Variants in OPALIN observed in about 807,000 individuals in gnomAD.
OPALIN encodes transmembrane protein 10.
In OPALIN, 15 loss-of-function variants were observed where a neutral mutation model predicts 17.8. The ratio of observed to expected loss-of-function variants is 0.84; its 90% CI spans 0.56 to 1.29. The LOEUF is 1.29. Ranked by LOEUF, OPALIN falls within the 50% of genes most tolerant of loss-of-function variation. OPALIN has a pLI of 0.00. For missense variants in OPALIN, 170 were observed against 176.0 expected (o/e 0.97, Z 0.19); for synonymous variants, 62 against 63.8 (o/e 0.97, Z 0.14).
At chr10:96,354,720 T>C (rs929287367) in intron 2 of OPALIN, among the ~76,000 whole-genome samples, 3 of 150,594 alleles carry the variant, frequency 2.0e-5, no homozygotes, top group African/African-American at 7.5e-5. Flanking sequence ...CTATTTTCCT[T>C]TTCAAAATGT....
intron 2 of OPALIN, among the ~76,000 whole-genome samples, chr10:96,354,493 C>T (rs966265146): frequency 2.0e-5 from 3 of 151,950 alleles, no homozygotes; most frequent in Admixed American, 6.6e-5. Flanking sequence ...ATTATGCGAT[C>T]ATAATATGAT....
At chr10:96,352,167 C>A (rs960722315) in intron 2 of OPALIN, among the ~76,000 whole-genome samples, 3 of 152,078 alleles carry the variant, frequency 2.0e-5, no homozygotes, top group African/African-American at 7.2e-5. Flanking sequence ...GTAGTAGCTG[C>A]CTCTAGGGTT....
intron 2 of OPALIN, among the ~76,000 whole-genome samples, chr10:96,351,666 C>T (rs926336650): frequency 3.3e-5 from 5 of 152,188 alleles, no homozygotes; most frequent in African/African-American, 1.2e-4. Context: ...TGTACCGTGA[C>T]ACATTTTACA....
rs1467604287 is a variant in OPALIN at position 96,345,930 on chromosome 10, A to G, written c.*11T>C. ...CCAGTGCCAGGTCTGCTGCTCCTTG[A>G]CTGAGCTGCATCATTCCAGGCTCAG... On this transcript the variant is annotated 3_prime_UTR_variant, in exon 6 of 6. Transcript: ENST00000371172. The G allele has an allele frequency of 6.2e-7, 1 of 1,613,340 alleles. No homozygotes were observed. The highest frequency in any genetic ancestry group is 8.5e-7 in the Non-Finnish European group (1 of 1,179,556).
intron 2 of OPALIN, among the ~76,000 whole-genome samples, chr10:96,353,644 C>T (rs1413337186): frequency 6.6e-6 from 1 of 152,178 alleles, no homozygotes; most frequent in Non-Finnish European, 1.5e-5. Context: ...CCCCATTCAC[C>T]CCCACTCCCC....
At chr10:96,351,079 A>C (rs570844414) in intron 3 of OPALIN, among the ~76,000 whole-genome samples, 13 of 152,304 alleles carry the variant, frequency 8.5e-5, no homozygotes, top group African/African-American at 3.1e-4. Flanking sequence ...GTGCGTGACC[A>C]CTATTCTGAA....
intron 3 of OPALIN, among the ~76,000 whole-genome samples, 164 bp downstream of exon 3, chr10:96,351,214 T>C (rs1845565143): frequency 6.6e-6 from 1 of 152,240 alleles, no homozygotes; most frequent in Non-Finnish European, 1.5e-5. Context: ...TGATTTTGCA[T>C]GTTCTCCCTC....
chr10:96,352,832 G>A (rs974165460), intron 2 of OPALIN, among the ~76,000 whole-genome samples: 5 of 152,072 alleles, frequency 3.3e-5, no homozygotes, highest in Non-Finnish European at 5.9e-5. Flanking sequence ...TTTCTCCTTC[G>A]CTCCAGAGCA....
intron 3 of OPALIN, 58 bp downstream of exon 3, chr10:96,351,320 C>A: frequency 9.6e-7 from 1 of 1,036,818 alleles, no homozygotes; most frequent in South Asian, 1.4e-5. Flanking sequence ...AACAAATGCT[C>A]AAGATGGATG....
intron 2 of OPALIN, among the ~76,000 whole-genome samples, chr10:96,352,213 T>G (rs1013283663): frequency 1.3e-5 from 2 of 152,182 alleles, no homozygotes; most frequent in African/African-American, 4.8e-5. Context: ...AACTATGAAC[T>G]CTTGTCAGCC....
At chr10:96,347,254 C>G (rs942375121) in intron 5 of OPALIN, among the ~76,000 whole-genome samples, 1 of 152,008 alleles carries the variant, frequency 6.6e-6, no homozygotes, top group Non-Finnish European at 1.5e-5. Flanking sequence ...GCCACCACAC[C>G]TGGCTAACTT....
chr10:96,349,261 G>A (rs984662527), intron 4 of OPALIN, among the ~76,000 whole-genome samples: 7 of 152,156 alleles, frequency 4.6e-5, no homozygotes, highest in African/African-American at 7.2e-5. Flanking sequence ...ATTGGATGGG[G>A]AGGATATAGA....
Position 96,345,763 on chromosome 10 carries a change from A to T in OPALIN, c.*178T>A. ...CTAAAGCACAAGATCTGAGAGTTGGAATTAACCATGTTGGGGATGTCCCCT... is the reference window on the plus strand; with the variant it reads ...CTAAAGCACAAGATCTGAGAGTTGGTATTAACCATGTTGGGGATGTCCCCT... On this transcript the variant is annotated 3_prime_UTR_variant, in exon 6 of 6. Coordinates refer to ENST00000371172, the MANE Select transcript of OPALIN (RefSeq NM_033207.5). The T allele has an allele frequency of 3.4e-6, 2 of 582,090 alleles. No homozygotes were observed. Among genetic ancestry groups the T allele is most frequent in the Non-Finnish European group, 6.0e-6 (2 of 333,094 alleles). 36.1% of individuals were successfully genotyped at this position (582,090 alleles called of 1,614,324 possible). A position where few individuals can be genotyped will look rare whatever the true frequency, so the allele number is the denominator to read the frequency against.
At chr10:96,347,220 A>G (rs1224091074) in intron 5 of OPALIN, among the ~76,000 whole-genome samples, 1 of 151,172 alleles carries the variant, frequency 6.6e-6, no homozygotes, top group African/African-American at 2.4e-5. Flanking sequence ...GCCCCCCACG[A>G]AGTAGCTGGG....
rs773886290 is a variant in OPALIN at position 96,348,269 on chromosome 10, G to A, written c.249+20C>T. 66 of 1,334,892 alleles carry A rather than the reference G, an allele frequency of 4.9e-5. No individual in the cohort carries two copies. The highest frequency in any genetic ancestry group is 8.6e-5 in the Admixed American group (5 of 58,296). 82.7% of individuals were successfully genotyped at this position (1,334,892 alleles called of 1,614,324 possible). A position where few individuals can be genotyped will look rare whatever the true frequency, so the allele number is the denominator to read the frequency against. On this transcript the variant is annotated intron_variant, in intron 5 of 5. Transcript: ENST00000371172. ...TTACTGTGTGAATGGTATATAGAGA[G>A]TATAACCAAGAGTTCTTACCTCAGA...
In OPALIN at chr10:96,358,917, C is replaced by A; in HGVS notation, c.-21G>T. ...ACCATTTCTGACAGTCTCCCAGGAA[C>A]CTTCTTCGTACACTGCCTTTGGTAA... On this transcript the variant is annotated 5_prime_UTR_variant, in exon 1 of 6. Transcript: ENST00000371172. 2 of 1,613,886 alleles carry A rather than the reference C, an allele frequency of 1.2e-6. No individual in the cohort carries two copies. The highest frequency in any genetic ancestry group is 1.7e-5 in the Admixed American group (1 of 60,024).
intron 2 of OPALIN, 60 bp from the exon 3 acceptor site, chr10:96,351,470 A>G (rs1564884217): frequency 9.3e-7 from 1 of 1,069,928 alleles, no homozygotes; most frequent in Non-Finnish European, 1.3e-6. Flanking sequence ...TATACATTAT[A>G]CAAGACAATC....
chr10:96,358,186 TAAAAAAAAAAAAAAA>T (rs61616596), intron 1 of OPALIN, among the ~76,000 whole-genome samples: 2 of 61,586 alleles, frequency 3.2e-5, no homozygotes, highest in Non-Finnish European at 6.1e-5. Context: ...ATGCTTTTTG[TAAAAAAAAAAAAAAA>T]AAAAAAAAAA....
rs1293902859 is a variant in OPALIN, at chr10:96,344,687, C to T, written c.*1254G>A. The T allele has an allele frequency of 6.6e-6, 1 of 152,044 alleles. No homozygotes were observed. The highest frequency in any genetic ancestry group is 1.5e-5 in the Non-Finnish European group (1 of 68,012). 9.4% of individuals were successfully genotyped at this position (152,044 alleles called of 1,614,324 possible). A position where few individuals can be genotyped will look rare whatever the true frequency, so the allele number is the denominator to read the frequency against. On this transcript the variant is annotated 3_prime_UTR_variant, in exon 6 of 6. Transcript: ENST00000371172. ...CTGAAGCGGCAATGCTATGCGTGGGCTTAAGGGCTCTTGTTTAATCTGAAG... is the reference window on the plus strand; with the variant it reads ...CTGAAGCGGCAATGCTATGCGTGGGTTTAAGGGCTCTTGTTTAATCTGAAG...
Sources: gnomAD v4.1 joint callset for allele counts (sites outside exome capture counted in the v4.1 genomes callset) on GRCh38, gnomAD v4.1.1 for gene constraint, MANE v1.5 for transcripts, NCBI Gene and HGNC (gene_info 2026-07-23, HGNC 2026-07-21) for gene names.